KCNK9: variants seen among roughly 807,000 people sequenced by gnomAD.
KCNK9 encodes potassium two pore domain channel subfamily K member 9.
Under a neutral mutation model 10.8 loss-of-function variants are expected in KCNK9, and 1 was observed. The observed-to-expected ratio is 0.09, with a 90% CI of 0.03 to 0.44. KCNK9 has a LOEUF of 0.44. Among genes scored for constraint, KCNK9 ranks in the 20% least tolerant of loss-of-function variants. The pLI is 0.97. For synonymous variants in KCNK9, 231 were observed against 222.7 expected (o/e 1.04, Z -0.33); for missense variants, 303 against 515.0 (o/e 0.59, Z 3.98).
At position 139,618,969 on chromosome 8, in the gene KCNK9, G is replaced by A; in HGVS notation, c.414C>T (p.Tyr138=). ...LGERMNTFVR[Y]LLKRIKKCCG... The stretch of plus-strand genomic sequence containing the variant: ...AGCACTTCTTAATGCGCTTCAGCAG[G>A]TAGCGCACGAAGGTGTTCATGCGCT... The change falls in exon 2 of 2, where the codon TAC becomes TAT. Residue 138 remains tyrosine (Y), a synonymous_variant. Transcript: ENST00000520439. The surrounding 1 kb of genome is among the most constrained non-coding windows in gnomAD (Gnocchi z 7.9). 1.9e-6 allele frequency: 3 copies of A among 1,614,206 alleles called. No individual in the cohort carries two copies. Among genetic ancestry groups the A allele is most frequent in the Non-Finnish European group, 2.5e-6 (3 of 1,180,016 alleles).
chr8:139,669,492 A>G (rs951405569), intron 1 of KCNK9, among the ~76,000 whole-genome samples: 33 of 152,234 alleles, frequency 2.2e-4, no homozygotes, highest in African/African-American at 7.7e-4. Flanking sequence ...AGAAGATTCC[A>G]TCTCAAGAAA....
At chr8:139,635,756 C>A (rs1815317956) in intron 1 of KCNK9, among the ~76,000 whole-genome samples, 1 of 152,144 alleles carries the variant, frequency 6.6e-6, no homozygotes, top group African/African-American at 2.4e-5. Flanking sequence ...AAATCACCCA[C>A]AACCCCCCCA....
intron 1 of KCNK9, among the ~76,000 whole-genome samples, chr8:139,624,829 G>A (rs755699022): frequency 1.3e-5 from 2 of 152,236 alleles, no homozygotes; most frequent in Non-Finnish European, 2.9e-5. Context: ...GCAGGCCGGT[G>A]ACGGGGTTCC....
intron 1 of KCNK9, among the ~76,000 whole-genome samples, chr8:139,624,670 C>A (rs778187702): frequency 2.6e-5 from 4 of 152,178 alleles, no homozygotes; most frequent in Non-Finnish European, 5.9e-5. Flanking sequence ...ACCAACCCCT[C>A]GAGTGGCAGC....
chr8:139,664,050 G>C (rs1411212668), intron 1 of KCNK9, among the ~76,000 whole-genome samples: 3 of 152,186 alleles, frequency 2.0e-5, no homozygotes, highest in Non-Finnish European at 4.4e-5. Flanking sequence ...AACGGGAGCA[G>C]GGACCGATCA....
rs1029448648 is a variant in KCNK9 at position 139,693,954 on chromosome 8, G to A, written c.283+8756C>T. On this transcript the variant is annotated intron_variant, in intron 1 of 1. Transcript: ENST00000520439. The surrounding 1 kb of genome is among the most constrained non-coding windows in gnomAD (Gnocchi z 4.1). The stretch of plus-strand genomic sequence containing the variant: ...TTACTCCTTGAATGAGCCAGGGCTT[G>A]TATTCCAGTCCATAGCAATCCAACA... Among the ~76,000 whole-genome samples, 2 of 152,178 alleles carry A rather than the reference G, an allele frequency of 1.3e-5. No individual in the cohort carries two copies. The highest frequency in any genetic ancestry group is 2.4e-5 in the African/African-American group (1 of 41,448).
At chr8:139,631,063 G>T (rs1251436171) in intron 1 of KCNK9, among the ~76,000 whole-genome samples, 2 of 152,208 alleles carry the variant, frequency 1.3e-5, no homozygotes, top group African/African-American at 4.8e-5. Flanking sequence ...GCGGGCACTC[G>T]GGCGACTGCA....
chr8:139,619,193 A>C, intron 1 of KCNK9, 94 bp from the exon 2 acceptor site: 3 of 1,342,936 alleles, frequency 2.2e-6, no homozygotes, highest in Non-Finnish European at 2.1e-6. Context: ...GTGCAGTGCA[A>C]TGCAGAGGGA....
At chr8:139,698,398 C>T (rs1817119032) in intron 1 of KCNK9, among the ~76,000 whole-genome samples, 2 of 152,180 alleles carry the variant, frequency 1.3e-5, no homozygotes, top group South Asian at 2.1e-4. Context: ...GAGCAGAAAA[C>T]ATAGTATTTA....
chr8:139,669,460 T>A (rs1816377771), intron 1 of KCNK9, among the ~76,000 whole-genome samples: 1 of 152,248 alleles, frequency 6.6e-6, no homozygotes, highest in South Asian at 2.1e-4. Flanking sequence ...ATTTAAACAA[T>A]GTGCATAGCA....
intron 1 of KCNK9, among the ~76,000 whole-genome samples, chr8:139,637,678 TATAGC>T (rs1815378453): frequency 6.6e-6 from 1 of 152,112 alleles, no homozygotes; most frequent in Admixed American, 6.6e-5. Context: ...AGATCTGTTA[TATAGC>T]ACAGTGCTTA....
intron 1 of KCNK9, among the ~76,000 whole-genome samples, chr8:139,687,367 TG>T (rs1816815317): frequency 6.9e-6 from 1 of 144,712 alleles, no homozygotes; most frequent in Non-Finnish European, 1.5e-5. Flanking sequence ...TACATATATA[TG>T]TGTATACATA....
chr8:139,624,455 C>T (rs1814901009), intron 1 of KCNK9, among the ~76,000 whole-genome samples: 1 of 152,188 alleles, frequency 6.6e-6, no homozygotes, highest in South Asian at 2.1e-4. Flanking sequence ...GCTGTCCCAG[C>T]TTTCTCAGCC....
chr8:139,634,424 C>T (rs912044296), intron 1 of KCNK9, among the ~76,000 whole-genome samples: 5 of 152,210 alleles, frequency 3.3e-5, no homozygotes, highest in African/African-American at 1.2e-4. Flanking sequence ...CCCTCCCAAT[C>T]CACCTTTCCT....
chr8:139,605,865 G>C (rs1817475295), intron 2 of KCNK9, among the ~76,000 whole-genome samples: 1 of 152,170 alleles, frequency 6.6e-6, no homozygotes, highest in Non-Finnish European at 1.5e-5. Flanking sequence ...AAAATATTAG[G>C]TAAGCTGTGA....
chr8:139,621,263 C>T (rs532831771), intron 1 of KCNK9, among the ~76,000 whole-genome samples: 1 of 150,272 alleles, frequency 6.7e-6, no homozygotes, highest in East Asian at 1.9e-4. Context: ...TGCACTCCAA[C>T]CTGGGTGACA....
chr8:139,609,336 A>G (rs1814346318), downstream of KCNK9, among the ~76,000 whole-genome samples: 1 of 146,648 alleles, frequency 6.8e-6, no homozygotes, highest in Non-Finnish European at 1.5e-5. Context: ...ATGCAAGTCT[A>G]AGAGGTTTGG....
intron 1 of KCNK9, among the ~76,000 whole-genome samples, chr8:139,632,823 G>C (rs1428400481): frequency 1.3e-5 from 2 of 152,154 alleles, no homozygotes; most frequent in Admixed American, 6.5e-5. Flanking sequence ...AGTAACCCGT[G>C]ATGCATGAAG....
intron 1 of KCNK9, among the ~76,000 whole-genome samples, chr8:139,663,368 G>A (rs776875062): frequency 6.6e-6 from 1 of 151,994 alleles, no homozygotes; most frequent in Non-Finnish European, 1.5e-5. Context: ...ACTACAGGTG[G>A]TCACATGCTC....
Sources: gnomAD v4.1 joint callset for allele counts (sites outside exome capture counted in the v4.1 genomes callset) on GRCh38, gnomAD v4.1.1 for gene constraint, Gnocchi (gnomAD v3.1) non-coding constraint, MANE v1.5 for transcripts, NCBI Gene and HGNC (gene_info 2026-07-23, HGNC 2026-07-21) for gene names.